The following DPP6 variants were observed in gnomAD, a reference collection of about 807,000 sequenced individuals.
DPP6 encodes the protein A-type potassium channel modulatory protein DPP6.
A neutral mutation model predicts 122.6 loss-of-function variants in DPP6; 69 were observed. The observed-to-expected ratio is 0.56, with a 90% CI of 0.46 to 0.69. DPP6 has a LOEUF of 0.69. DPP6 is among the 30% of genes least tolerant of loss of function. DPP6 has a pLI of 0.00. For missense variants in DPP6, 928 were observed against 1,116.9 expected (o/e 0.83, Z 2.41); for synonymous variants, 418 against 433.1 (o/e 0.97, Z 0.43).
the DPP6 span, among the ~76,000 whole-genome samples, chr7:153,873,676 G>A: frequency 6.6e-6 from 1 of 152,216 alleles, no homozygotes; most frequent in Non-Finnish European, 1.5e-5. Flanking sequence ...ACCTGGTAAA[G>A]CAGGGACCAG....
At chr7:154,823,624 T>C (rs137992843) in intron 16 of DPP6, among the ~76,000 whole-genome samples, 1 of 152,330 alleles carries the variant, frequency 6.6e-6, no homozygotes. Flanking sequence ...GTGTAATATA[T>C]GGACATACGG....
At chr7:154,611,513 C>G (rs902661476) in intron 5 of DPP6, among the ~76,000 whole-genome samples, 2 of 152,062 alleles carry the variant, frequency 1.3e-5, no homozygotes, top group African/African-American at 2.4e-5. Flanking sequence ...CCTCATCTCT[C>G]ATAGACATCC....
At chr7:153,773,965 A>G in the DPP6 span, among the ~76,000 whole-genome samples, 68,291 of 151,644 alleles carry the variant, frequency 0.45, 15,640 homozygotes, top group South Asian at 0.54. Flanking sequence ...TAACTGAACT[A>G]ACCAAGAGAA....
At chr7:154,803,784 C>CA in intron 13 of DPP6, 80 bp from the exon 14 acceptor site, 2 of 1,528,380 alleles carry the variant, frequency 1.3e-6, no homozygotes, top group Non-Finnish European at 1.8e-6. Context: ...ACCTGGTGTC[C>CA]AAAACAGTTG....
chr7:153,965,135 CAG>C (rs1255965029), intron 1 of DPP6, among the ~76,000 whole-genome samples: 1 of 151,620 alleles, frequency 6.6e-6, no homozygotes, highest in African/African-American at 2.4e-5. Context: ...ATCTGTCAGC[CAG>C]AGTTTCCTTG....
chr7:154,453,559 A>G (rs1400100328), intron 2 of DPP6, among the ~76,000 whole-genome samples: 2 of 149,998 alleles, frequency 1.3e-5, no homozygotes, highest in Non-Finnish European at 3.0e-5. Context: ...TAGATATTAA[A>G]TATATAAATA....
Position 154,875,717 on chromosome 7 carries a change from T to A in DPP6, c.1884-189T>A, listed in dbSNP as rs1313734633. ...GCTCTTGGAGGTCTCCTCTTCCTCC[T>A]CACTTTATGGGGTGTGGATAACACC... On this transcript the variant is annotated intron_variant, in intron 19 of 25. Transcript: ENST00000377770. The surrounding 1 kb of genome is among the most constrained non-coding windows in gnomAD (Gnocchi z 4.5). 2.0e-5 allele frequency among the ~76,000 whole-genome samples: 3 copies of A among 152,142 alleles called. No homozygotes were observed. Among genetic ancestry groups the A allele is most frequent in the Non-Finnish European group, 4.4e-5 (3 of 68,026 alleles).
rs1254785121 is a variant in DPP6 at position 154,187,713 on chromosome 7, C to T, written c.243+134650C>T. ...AATCCTATCTTTCCTATGGTTTTGC[C>T]CAAAGTGGTCACTTCTCCTCCCTAA... On this transcript the variant is annotated intron_variant, in intron 1 of 25. Coordinates refer to ENST00000377770, the MANE Select transcript of DPP6 (RefSeq NM_130797.4). Among the ~76,000 whole-genome samples the T allele has an allele frequency of 2.6e-5, 4 of 152,176 alleles. No individual in the cohort carries two copies. In the South Asian group the frequency reaches 8.3e-4, roughly 32 times the overall value.
chr7:154,338,015 G>T (rs1340567792), intron 1 of DPP6, among the ~76,000 whole-genome samples: 1 of 152,164 alleles, frequency 6.6e-6, no homozygotes, highest in Admixed American at 6.5e-5. Flanking sequence ...CTCACTGAGC[G>T]TATATCTGTC....
intron 5 of DPP6, among the ~76,000 whole-genome samples, chr7:154,577,725 T>G (rs1304175318): frequency 6.6e-6 from 1 of 152,184 alleles, no homozygotes; most frequent in Non-Finnish European, 1.5e-5. Flanking sequence ...GCCATCATTG[T>G]AATGTAGTGA....
chr7:153,954,600 G>T (rs532138379), intron 1 of DPP6, among the ~76,000 whole-genome samples: 1 of 152,320 alleles, frequency 6.6e-6, no homozygotes, highest in East Asian at 1.9e-4. Flanking sequence ...ATTTTTGGAA[G>T]AGAGATTAAA....
chr7:154,673,872 T>C (rs1322144314), intron 7 of DPP6, among the ~76,000 whole-genome samples: 6 of 150,278 alleles, frequency 4.0e-5, no homozygotes, highest in African/African-American at 9.9e-5. Flanking sequence ...ATTTCCTCCA[T>C]GTTTCTTTCT....
chr7:154,325,215 C>T (rs1341623278), intron 1 of DPP6, among the ~76,000 whole-genome samples: 3 of 152,162 alleles, frequency 2.0e-5, no homozygotes, highest in South Asian at 2.1e-4. Context: ...AGAGAAGGTG[C>T]CCAGACCCCC....
At chr7:154,683,348 G>T (rs1340689620) in intron 7 of DPP6, among the ~76,000 whole-genome samples, 2 of 152,158 alleles carry the variant, frequency 1.3e-5, no homozygotes, top group Admixed American at 1.3e-4. Context: ...TTCTGCCAAA[G>T]CTCTGCCCTG....
intron 1 of DPP6, among the ~76,000 whole-genome samples, chr7:154,203,688 G>A (rs1360107563): frequency 6.6e-6 from 1 of 152,198 alleles, no homozygotes; most frequent in Non-Finnish European, 1.5e-5. Flanking sequence ...GCAACCAAAA[G>A]TGAAGAAATA....
At chr7:154,056,728 A>C (rs1373543629) in intron 1 of DPP6, among the ~76,000 whole-genome samples, 1 of 152,216 alleles carries the variant, frequency 6.6e-6, no homozygotes, top group African/African-American at 2.4e-5. Context: ...TGTCTTCGGC[A>C]ACCAACCCAT....
chr7:154,109,584 G>A (rs1483927240), intron 1 of DPP6, among the ~76,000 whole-genome samples: 1 of 152,178 alleles, frequency 6.6e-6, no homozygotes, highest in Non-Finnish European at 1.5e-5. Context: ...GAGCCACCGC[G>A]CCTGGCCGCT....
Position 154,481,436 on chromosome 7 carries a change from C to T in DPP6, c.457+6399C>T, listed in dbSNP as rs549819877. On this transcript the variant is annotated intron_variant, in intron 3 of 25. Coordinates refer to ENST00000377770, the MANE Select transcript of DPP6 (RefSeq NM_130797.4). This position sits in a 1 kb window ranked among gnomAD's most constrained non-coding sequence, Gnocchi z 4.2. ...CATGTCCACTGCAGTATCTTACATT[C>T]ACCTCACATCCTCATGCCCAGCACT... Among the ~76,000 whole-genome samples, 20 of 151,444 alleles carry T rather than the reference C, an allele frequency of 1.3e-4. No homozygotes were observed. The highest frequency in any genetic ancestry group is 4.9e-4 in the African/African-American group (20 of 41,198).
the DPP6 span, among the ~76,000 whole-genome samples, chr7:153,767,333 CT>C: frequency 1.3e-5 from 2 of 152,058 alleles, no homozygotes; most frequent in Non-Finnish European, 2.9e-5. Context: ...AAATCTAAAA[CT>C]TATGTGTTAG....
Sources: gnomAD v4.1 joint callset for allele counts (sites outside exome capture counted in the v4.1 genomes callset) on GRCh38, gnomAD v4.1.1 for gene constraint, Gnocchi (gnomAD v3.1) non-coding constraint, MANE v1.5 for transcripts, NCBI Gene and HGNC (gene_info 2026-07-23, HGNC 2026-07-21) for gene names.